The following PTPN14 variants were observed in gnomAD, a reference collection of about 807,000 sequenced individuals.
PTPN14 encodes protein tyrosine phosphatase non-receptor type 14.
In PTPN14, 53 loss-of-function variants were observed where a neutral mutation model predicts 126.8. The observed-to-expected ratio is 0.42, with a 90% CI of 0.34 to 0.53. The LOEUF (loss-of-function observed/expected upper bound fraction) is 0.53. Among genes scored for constraint, PTPN14 ranks in the 20% least tolerant of loss-of-function variants. PTPN14 has a pLI of 0.08. For missense variants in PTPN14, 1,257 were observed against 1,552.9 expected (o/e 0.81, Z 3.20); for synonymous variants, 630 against 599.3 (o/e 1.05, Z -0.75).
At chr1:214,447,402 AAATGTTATTCTGTCC>A (rs1413665625) in intron 3 of PTPN14, among the ~76,000 whole-genome samples, 1 of 152,086 alleles carries the variant, frequency 6.6e-6, no homozygotes, top group Non-Finnish European at 1.5e-5. Context: ...AAGCATTTAA[AAATGTTATTCTGTCC>A]AAACCAGATC....
Position 214,502,150 on chromosome 1 carries a change from G to A in PTPN14, c.-154-37193C>T, listed in dbSNP as rs550826043. Reference sequence around the variant, plus strand: ...AAAAGTTGCATATATTTAATGCATAGAACTGAATTTGGGAGCTCTCATAAA... The same window carrying A: ...AAAAGTTGCATATATTTAATGCATAAAACTGAATTTGGGAGCTCTCATAAA... On this transcript the variant is annotated intron_variant, in intron 1 of 18. Coordinates refer to ENST00000366956, the MANE Select transcript of PTPN14 (RefSeq NM_005401.5). 2.0e-5 allele frequency among the ~76,000 whole-genome samples: 3 copies of A among 150,296 alleles called. No individual in the cohort carries two copies. In the South Asian group the frequency reaches 6.3e-4, roughly 32 times the overall value.
chr1:214,442,574 T>C (rs375320811), intron 3 of PTPN14, among the ~76,000 whole-genome samples: 25 of 152,364 alleles, frequency 1.6e-4, no homozygotes, highest in African/African-American at 5.8e-4. Context: ...TTTGAAATTC[T>C]GAGTTTCCTC....
chr1:214,362,182 C>T (rs1657971409), intron 18 of PTPN14, among the ~76,000 whole-genome samples: 1 of 152,182 alleles, frequency 6.6e-6, no homozygotes, highest in Admixed American at 6.5e-5. Flanking sequence ...TCTTACTAGC[C>T]AGGCCTGAAC....
At chr1:214,358,149 G>A in intron 18 of PTPN14, 99 bp from the exon 19 acceptor site, 2 of 1,434,152 alleles carry the variant, frequency 1.4e-6, no homozygotes, top group South Asian at 2.8e-5. Flanking sequence ...CACTGCCCAT[G>A]TCCAGGTACA....
intron 7 of PTPN14, among the ~76,000 whole-genome samples, chr1:214,399,957 TA>T (rs199786051): frequency 6.6e-6 from 1 of 151,452 alleles, no homozygotes; most frequent in African/African-American, 2.4e-5. Context: ...AAGCAAAATT[TA>T]AAAAAAAATA....
chr1:214,442,343 A>C (rs190721237), intron 3 of PTPN14, among the ~76,000 whole-genome samples: 2 of 152,222 alleles, frequency 1.3e-5, no homozygotes, highest in Non-Finnish European at 2.9e-5. Flanking sequence ...TGGTGCTCAA[A>C]AAGTTTTCAA....
At chr1:214,524,982 G>A (rs1655350432) in intron 1 of PTPN14, among the ~76,000 whole-genome samples, 1 of 152,162 alleles carries the variant, frequency 6.6e-6, no homozygotes, top group African/African-American at 2.4e-5. Context: ...ATCTGCCATG[G>A]AGGGTGTCAG....
chr1:214,544,117 T>C (rs1352761662), intron 1 of PTPN14, among the ~76,000 whole-genome samples: 1 of 152,098 alleles, frequency 6.6e-6, no homozygotes, highest in African/African-American at 2.4e-5. Context: ...AATTTCAAAG[T>C]GCTATGGGAC....
At chr1:214,433,819 T>C (rs560441287) in intron 3 of PTPN14, among the ~76,000 whole-genome samples, 2 of 151,990 alleles carry the variant, frequency 1.3e-5, no homozygotes, top group East Asian at 3.9e-4. Context: ...CTGGGCGTGG[T>C]AGCTCATGCC....
At position 214,384,784 on chromosome 1, in the gene PTPN14, G is replaced by A; in HGVS notation, c.1071C>T (p.Ser357=). The change falls in exon 13 of 19, where the codon AGC becomes AGT. Residue 357 remains serine (S), a synonymous_variant. Coordinates refer to ENST00000366956, the MANE Select transcript of PTPN14 (RefSeq NM_005401.5). This position sits in a 1 kb window ranked among gnomAD's most constrained non-coding sequence, Gnocchi z 5.3. The part of the protein sequence containing the change: ...HYSETHTSQD[S]IFHGNEEALY... ...AGGCTTCTTCATTCCCATGAAAAAT[G>A]CTGTCTACAAGAAGTCAAACAAAGG... 6.2e-7 allele frequency: 1 copy of A among 1,610,840 alleles called. No homozygotes were observed.
At chr1:214,539,560 GA>G (rs1655787580) in intron 1 of PTPN14, among the ~76,000 whole-genome samples, 1 of 152,068 alleles carries the variant, frequency 6.6e-6, no homozygotes, top group African/African-American at 2.4e-5. Context: ...TATTAATGTT[GA>G]ATACATATAC....
intron 15 of PTPN14, among the ~76,000 whole-genome samples, chr1:214,374,239 T>C (rs1238975949): frequency 6.6e-6 from 1 of 152,188 alleles, no homozygotes; most frequent in Non-Finnish European, 1.5e-5. Context: ...TATGCTAACT[T>C]GGTTCAAACA....
intron 1 of PTPN14, among the ~76,000 whole-genome samples, chr1:214,500,117 A>G (rs1424956301): frequency 6.6e-6 from 1 of 151,848 alleles, no homozygotes; most frequent in Non-Finnish European, 1.5e-5. Flanking sequence ...TTTTTGCTTT[A>G]TATTTTATTC....
chr1:214,415,212 C>T (rs539594805), intron 3 of PTPN14, among the ~76,000 whole-genome samples: 51 of 152,272 alleles, frequency 3.3e-4, no homozygotes, highest in African/African-American at 1.2e-3. Flanking sequence ...ACAGTTTTCA[C>T]CTTACACATC....
intron 13 of PTPN14, among the ~76,000 whole-genome samples, chr1:214,379,754 T>A (rs1242456214): frequency 1.3e-5 from 2 of 152,216 alleles, no homozygotes; most frequent in African/African-American, 2.4e-5. Flanking sequence ...GGAAGCCCCC[T>A]CCCTACTTCA....
At chr1:214,445,866 G>A (rs1274635734) in intron 3 of PTPN14, among the ~76,000 whole-genome samples, 1 of 152,136 alleles carries the variant, frequency 6.6e-6, no homozygotes, top group Non-Finnish European at 1.5e-5. Context: ...CCAGAAAAAT[G>A]TGAAAACCAT....
At chr1:214,547,276 C>T (rs889434084) in intron 1 of PTPN14, among the ~76,000 whole-genome samples, 10 of 152,178 alleles carry the variant, frequency 6.6e-5, no homozygotes, top group Non-Finnish European at 1.5e-4. Context: ...GCTCTCTCCC[C>T]GATTCCCCAA....
intron 16 of PTPN14, among the ~76,000 whole-genome samples, chr1:214,371,447 A>T (rs1658216485): frequency 6.6e-6 from 1 of 152,114 alleles, no homozygotes; most frequent in Non-Finnish European, 1.5e-5. Context: ...AGGAGGAGGG[A>T]TGAGGCAGGA....
intron 1 of PTPN14, chr1:214,530,960 C>T (rs1655531384): frequency 6.6e-6 from 1 of 152,140 alleles, no homozygotes; most frequent in Non-Finnish European, 1.5e-5. Flanking sequence ...AACCTCAGTA[C>T]CAACTTTGCC....
Sources: gnomAD v4.1 joint callset for allele counts (sites outside exome capture counted in the v4.1 genomes callset) on GRCh38, gnomAD v4.1.1 for gene constraint, Gnocchi (gnomAD v3.1) non-coding constraint, MANE v1.5 for transcripts, NCBI Gene and HGNC (gene_info 2026-07-23, HGNC 2026-07-21) for gene names.